Variants in SNX29 observed in about 807,000 individuals in gnomAD.
SNX29 encodes the protein sorting nexin-29.
SNX29 carries 78 observed loss-of-function variants against 102.1 expected under a neutral mutation model. The ratio of observed to expected loss-of-function variants is 0.76; its 90% CI spans 0.64 to 0.92. The LOEUF (loss-of-function observed/expected upper bound fraction) is 0.92. Among genes scored for constraint, SNX29 ranks in the 40% least tolerant of loss-of-function variants. The probability of loss-of-function intolerance (pLI) is 0.00; values close to 1 mark genes in which losing one functional copy is unlikely to be tolerated. For missense variants in SNX29, 1,280 were observed against 1,061.7 expected (o/e 1.21, Z -2.86); for synonymous variants, 580 against 414.5 (o/e 1.40, Z -4.85).
At chr16:12,464,555 G>A (rs574594627) in intron 18 of SNX29, among the ~76,000 whole-genome samples, 2 of 152,244 alleles carry the variant, frequency 1.3e-5, no homozygotes, top group East Asian at 3.9e-4. Flanking sequence ...CTGGGCTCAA[G>A]CGATCCTCCC....
At chr16:12,308,291 C>T (rs2080409712) in intron 15 of SNX29, among the ~76,000 whole-genome samples, 2 of 152,228 alleles carry the variant, frequency 1.3e-5, no homozygotes, top group African/African-American at 4.8e-5. Flanking sequence ...TTCTGGGTCC[C>T]ACAGCCTCTA....
At chr16:12,121,719 C>T (rs564653649) in intron 11 of SNX29, among the ~76,000 whole-genome samples, 114 of 152,358 alleles carry the variant, frequency 7.5e-4, no homozygotes, top group Non-Finnish European at 1.3e-3. Flanking sequence ...GGCCTCTGTA[C>T]ATGGCGACAG....
chr16:12,389,453 C>G (rs552199403), intron 16 of SNX29, among the ~76,000 whole-genome samples: 5 of 152,246 alleles, frequency 3.3e-5, no homozygotes, highest in South Asian at 2.1e-4. Flanking sequence ...TCGCTTGGCT[C>G]TCATTCTCCT....
At chr16:12,284,632 A>T (rs913902329) in intron 15 of SNX29, among the ~76,000 whole-genome samples, 3 of 152,118 alleles carry the variant, frequency 2.0e-5, no homozygotes, top group Non-Finnish European at 4.4e-5. Flanking sequence ...AACAGTAAGC[A>T]TTTATTCAAT....
intron 3 of SNX29, among the ~76,000 whole-genome samples, chr16:12,010,902 C>G (rs1037778598): frequency 6.6e-6 from 1 of 152,092 alleles, no homozygotes; most frequent in Non-Finnish European, 1.5e-5. Flanking sequence ...ACTTACGAAA[C>G]GGAATGGCTT....
intron 18 of SNX29, among the ~76,000 whole-genome samples, chr16:12,453,526 C>T (rs2086400015): frequency 6.6e-6 from 1 of 152,034 alleles, no homozygotes; most frequent in East Asian, 1.9e-4. Context: ...TCATGGAGTC[C>T]AGCTGGAGTA....
rs897982846 is a variant in SNX29, at chr16:12,211,667, C to A, written c.1678+11984C>A. 4.6e-5 allele frequency among the ~76,000 whole-genome samples: 7 copies of A among 152,236 alleles called. No homozygotes were observed. In the East Asian group the frequency reaches 1.4e-3, roughly 29 times the overall value. ...TCAACTCCAGAATCTGCAGGGTGGG[C>A]CTCTAGGCTGGAGTCCAGAGAGAAA... On this transcript the variant is annotated intron_variant, in intron 14 of 20. Coordinates refer to ENST00000566228, the MANE Select transcript of SNX29 (RefSeq NM_032167.5).
intron 14 of SNX29, among the ~76,000 whole-genome samples, chr16:12,259,806 C>T (rs1193471246): frequency 2.0e-5 from 3 of 152,126 alleles, no homozygotes; most frequent in Non-Finnish European, 4.4e-5. Flanking sequence ...CCCTTCCCTC[C>T]CAGCCCTCCC....
At chr16:12,500,979 G>A (rs1430001463) in intron 19 of SNX29, among the ~76,000 whole-genome samples, 1 of 152,194 alleles carries the variant, frequency 6.6e-6, no homozygotes, top group Non-Finnish European at 1.5e-5. Context: ...CAGAGTGACT[G>A]TGTGTTATGT....
rs2079239619 is a variant in SNX29 at position 12,573,981 on chromosome 16, A to G, written c.*5352A>G. ...ATGGTAACCCCACTAGGGGGCGCCC[A>G]TGATCGGCTCCCAGTGCACCCCCTT... On this transcript the variant is annotated 3_prime_UTR_variant, in exon 21 of 21. Transcript: ENST00000566228. The G allele has an allele frequency of 5.0e-6, 1 of 199,020 alleles. No homozygotes were observed. Among genetic ancestry groups the G allele is most frequent in the East Asian group, 7.8e-5 (1 of 12,846 alleles). 12.3% of individuals were successfully genotyped at this position (199,020 alleles called of 1,614,324 possible).
At chr16:12,469,206 G>T (rs944845570) in intron 18 of SNX29, among the ~76,000 whole-genome samples, 1 of 152,174 alleles carries the variant, frequency 6.6e-6, no homozygotes, top group Non-Finnish European at 1.5e-5. Flanking sequence ...ACATAACCCA[G>T]TGAACTGAAA....
chr16:12,123,713 C>G lies in SNX29; in HGVS notation c.1403-2920C>G, dbSNP rs911353734. Among the ~76,000 whole-genome samples, 4 of 152,006 alleles carry G rather than the reference C, an allele frequency of 2.6e-5. No homozygotes were observed. In the East Asian group the frequency reaches 5.8e-4, roughly 22 times the overall value. On this transcript the variant is annotated intron_variant, in intron 11 of 20. Transcript: ENST00000566228. ...AGCTGCTGCAGAGCTGCCTTCAGCC[C>G]TGAATGAAGAAGGCTGAGAGTGGGG...
intron 15 of SNX29, among the ~76,000 whole-genome samples, chr16:12,322,430 G>A (rs999739603): frequency 1.3e-5 from 2 of 152,146 alleles, no homozygotes; most frequent in Non-Finnish European, 2.9e-5. Flanking sequence ...GTCTAGTCCT[G>A]GATTTGAGAA....
At chr16:12,449,984 G>T (rs1215068864) in intron 18 of SNX29, among the ~76,000 whole-genome samples, 1 of 152,178 alleles carries the variant, frequency 6.6e-6, no homozygotes, top group Non-Finnish European at 1.5e-5. Context: ...TGAATCATGG[G>T]GGGCGGTTCC....
chr16:12,199,729 A>G (rs747654779), intron 14 of SNX29, 46 bp downstream of exon 14: 69 of 1,527,216 alleles, frequency 4.5e-5, no homozygotes, highest in Non-Finnish European at 5.6e-5. Context: ...GGGCTTTTCC[A>G]TTAACACCTG....
Position 12,541,636 on chromosome 16 carries a change from T to G in SNX29, c.2318+16795T>G, listed in dbSNP as rs1253039209. ...CACATCTCTGTCGGGGTCCATCGCATCTTCGTTCAGCCAGCTCCTAATGCA... is the reference window on the plus strand; with the variant it reads ...CACATCTCTGTCGGGGTCCATCGCAGCTTCGTTCAGCCAGCTCCTAATGCA... On this transcript the variant is annotated intron_variant, in intron 20 of 20. Transcript: ENST00000566228. Among the ~76,000 whole-genome samples, 4 of 152,156 alleles carry G rather than the reference T, an allele frequency of 2.6e-5. No homozygotes were observed. In the South Asian group the frequency reaches 6.2e-4, roughly 24 times the overall value.
At chr16:12,407,950 C>T (rs1269270449) in intron 18 of SNX29, among the ~76,000 whole-genome samples, 2 of 152,052 alleles carry the variant, frequency 1.3e-5, no homozygotes, top group Admixed American at 1.3e-4. Context: ...TGTGAATAGC[C>T]CCTGTATTTC....
intron 11 of SNX29, among the ~76,000 whole-genome samples, chr16:12,120,894 C>G (rs2053945578): frequency 6.6e-6 from 1 of 152,156 alleles, no homozygotes. Context: ...GAGCCTGAAT[C>G]TCTGTCACTG....
chr16:12,372,523 T>G (rs916794679), intron 16 of SNX29: 1 of 152,228 alleles, frequency 6.6e-6, no homozygotes, highest in Non-Finnish European at 1.5e-5. Context: ...ACAGACATAC[T>G]AAACATACCT....
Sources: gnomAD v4.1 joint callset for allele counts (sites outside exome capture counted in the v4.1 genomes callset) on GRCh38, gnomAD v4.1.1 for gene constraint, MANE v1.5 for transcripts, NCBI Gene and HGNC (gene_info 2026-07-23, HGNC 2026-07-21) for gene names.